TMEM266: variants seen among roughly 807,000 people sequenced by gnomAD.
TMEM266 encodes Hv1 related protein 1.
A neutral mutation model predicts 50.5 loss-of-function variants in TMEM266; 33 were observed. The observed-to-expected ratio is 0.65, with a 90% CI of 0.50 to 0.87. The LOEUF (loss-of-function observed/expected upper bound fraction) is 0.87, where lower values mean the gene tolerates loss of function less well. Among genes scored for constraint, TMEM266 ranks in the 40% least tolerant of loss-of-function variants. The pLI, the probability that TMEM266 is intolerant of heterozygous loss-of-function variation, is 0.00. For synonymous variants in TMEM266, 310 were observed against 292.3 expected, an observed-to-expected ratio of 1.06 and a Z score of -0.62; for missense variants, 655 against 695.1, an observed-to-expected ratio of 0.94 and a Z score of 0.65.
At chr15:76,191,148 A>G (rs182072447) in intron 8 of TMEM266, among the ~76,000 whole-genome samples, 1 of 152,264 alleles carries the variant, frequency 6.6e-6, no homozygotes, top group East Asian at 1.9e-4. Context: ...TTACAAGGCC[A>G]GGTTGCTGCC....
At position 76,153,587 on chromosome 15, in the gene TMEM266, T is replaced by C. The variant is rs999036134; in HGVS notation, c.228-3017T>C. Among the ~76,000 whole-genome samples, 3 of 152,020 alleles carry C rather than the reference T, an allele frequency of 2.0e-5. No individual in the cohort carries two copies. Among genetic ancestry groups the C allele is most frequent in the Non-Finnish European group, 4.4e-5 (3 of 67,986 alleles). ...TGTCCTTGGGCCCTAGAAAAGACCATGCTAGAGCTGTGGGGGAGGAGTGAG... is the reference window on the plus strand; with the variant it reads ...TGTCCTTGGGCCCTAGAAAAGACCACGCTAGAGCTGTGGGGGAGGAGTGAG... On this transcript the variant is annotated intron_variant, in intron 3 of 10. Coordinates refer to ENST00000388942, the MANE Select transcript of TMEM266 (RefSeq NM_152335.3). The surrounding 1 kb of genome is among the most constrained non-coding windows in gnomAD (Gnocchi z 4.2).
intron 3 of TMEM266, among the ~76,000 whole-genome samples, chr15:76,138,709 G>C (rs1276446724): frequency 6.6e-6 from 1 of 152,260 alleles, no homozygotes; most frequent in Non-Finnish European, 1.5e-5. Context: ...CCTTTCCAGG[G>C]AAGGCATGCG....
chr15:76,126,200 AC>A, intron 1 of TMEM266, among the ~76,000 whole-genome samples: 1 of 151,698 alleles, frequency 6.6e-6, no homozygotes, highest in East Asian at 1.9e-4. Flanking sequence ...CAGCAATCCC[AC>A]TGCTGAGTGG....
Position 76,183,858 on chromosome 15 carries a change from G to A in TMEM266, c.769-8110G>A, listed in dbSNP as rs752190375. 3.9e-5 allele frequency among the ~76,000 whole-genome samples: 6 copies of A among 152,216 alleles called. No individual in the cohort carries two copies. The East Asian group carries it at 9.6e-4, about 24-fold the overall frequency. On this transcript the variant is annotated intron_variant, in intron 8 of 10. Coordinates refer to ENST00000388942, the MANE Select transcript of TMEM266 (RefSeq NM_152335.3). ...AGATGTGAGGAGAGGAAGCTGTCAC[G>A]CCCCCCCTCCATCCCCTTCGCTGTC...
chr15:76,182,994 A>G, intron 8 of TMEM266, among the ~76,000 whole-genome samples: 1 of 150,802 alleles, frequency 6.6e-6, no homozygotes, highest in East Asian at 2.0e-4. Flanking sequence ...CAGGAGGAGT[A>G]CATTTGTCAC....
chr15:76,195,028 GAAC>G (rs2038634233), intron 9 of TMEM266, among the ~76,000 whole-genome samples: 1 of 152,106 alleles, frequency 6.6e-6, no homozygotes, highest in African/African-American at 2.4e-5. Context: ...TAGAGGAATG[GAAC>G]AACCTTTAGT....
intron 5 of TMEM266, among the ~76,000 whole-genome samples, chr15:76,166,694 A>G (rs984111898): frequency 1.3e-5 from 2 of 152,150 alleles, no homozygotes; most frequent in Non-Finnish European, 2.9e-5. Context: ...TTCAGCTAAG[A>G]AGAGTGTTGT....
chr15:76,179,813 G>A (rs996620075), intron 8 of TMEM266, among the ~76,000 whole-genome samples: 1 of 152,144 alleles, frequency 6.6e-6, no homozygotes, highest in South Asian at 2.1e-4. Context: ...ACCTGGCCTG[G>A]CGCGATGGCT....
chr15:76,141,514 C>T (rs1258330034), intron 3 of TMEM266, among the ~76,000 whole-genome samples: 1 of 152,162 alleles, frequency 6.6e-6, no homozygotes, highest in Non-Finnish European at 1.5e-5. Context: ...GTTGGGATTA[C>T]AGGCGTGAGC....
chr15:76,150,180 A>AT (rs1192627261), intron 3 of TMEM266, among the ~76,000 whole-genome samples: 2 of 152,144 alleles, frequency 1.3e-5, no homozygotes, highest in African/African-American at 4.8e-5. Flanking sequence ...AGTTTTGTGC[A>AT]TTTGGGGGGT....
chr15:76,122,112 A>C (rs1423166430), intron 1 of TMEM266, among the ~76,000 whole-genome samples: 1 of 152,232 alleles, frequency 6.6e-6, no homozygotes, highest in East Asian at 1.9e-4. Context: ...AGCCTCTCTC[A>C]CACATGCCTG....
intron 1 of TMEM266, among the ~76,000 whole-genome samples, chr15:76,130,938 T>C (rs1279606626): frequency 1.3e-5 from 2 of 152,264 alleles, no homozygotes; most frequent in African/African-American, 4.8e-5. Context: ...GAATTTTTAC[T>C]TGTTCTCCAC....
intron 1 of TMEM266, among the ~76,000 whole-genome samples, chr15:76,066,602 T>C (rs1229816862): frequency 6.6e-6 from 1 of 150,976 alleles, no homozygotes; most frequent in African/African-American, 2.4e-5. Context: ...GAAGAGGGCA[T>C]TGAAGTTGGA....
chr15:76,158,233 G>A (rs937607534), intron 4 of TMEM266, among the ~76,000 whole-genome samples: 40 of 152,154 alleles, frequency 2.6e-4, no homozygotes, highest in African/African-American at 9.4e-4. Flanking sequence ...CTCAGAGAGC[G>A]TGGACGGTGA....
At chr15:76,077,505 C>T (rs1403626561) in intron 1 of TMEM266, among the ~76,000 whole-genome samples, 4 of 152,054 alleles carry the variant, frequency 2.6e-5, no homozygotes. Flanking sequence ...GTTACCTTAT[C>T]TGGAAAAGGG....
At chr15:76,175,972 CAG>C (rs917458589) in intron 8 of TMEM266, 6 of 291,700 alleles carry the variant, frequency 2.1e-5, no homozygotes, top group African/African-American at 1.1e-4. Context: ...CTCAGTTCAT[CAG>C]AGTCTTCTCG....
At position 76,160,762 on chromosome 15, in the gene TMEM266, C is replaced by T. The variant is rs757323932; in HGVS notation, c.456+594C>T. Among the ~76,000 whole-genome samples, 2 of 152,126 alleles carry T rather than the reference C, an allele frequency of 1.3e-5. No homozygotes were observed. The highest frequency in any genetic ancestry group is 2.9e-5 in the Non-Finnish European group (2 of 68,034). ...AGGTGGGGGCTCAGGGAGCACGGAT[C>T]GCCGTCAGCGTTGCTGGAGTCGGCT... is the stretch of plus-strand genomic sequence containing the variant. On this transcript the variant is annotated intron_variant, in intron 5 of 10. Transcript: ENST00000388942. This position sits in a 1 kb window ranked among gnomAD's most constrained non-coding sequence, Gnocchi z 5.7.
At chr15:76,194,126 C>G (rs951091538) in intron 9 of TMEM266, among the ~76,000 whole-genome samples, 2 of 152,250 alleles carry the variant, frequency 1.3e-5, no homozygotes, top group African/African-American at 4.8e-5. Flanking sequence ...CACGTGCTCC[C>G]CACACAGCTC....
At chr15:76,096,092 A>T (rs1257111492) in intron 1 of TMEM266, among the ~76,000 whole-genome samples, 1 of 151,274 alleles carries the variant, frequency 6.6e-6, no homozygotes, top group Admixed American at 6.6e-5. Flanking sequence ...TTTTTGAAGG[A>T]TTTTTCTTGT....
Sources: allele counts gnomAD v4.1 joint callset (sites outside exome capture counted in the v4.1 genomes callset), GRCh38; gene constraint gnomAD v4.1.1; non-coding constraint Gnocchi (gnomAD v3.1); transcripts MANE v1.5; gene names NCBI Gene and HGNC (gene_info 2026-07-23, HGNC 2026-07-21).